Variants in RYR3 observed in about 807,000 individuals in gnomAD.
RYR3 encodes ryanodine receptor 3.
In RYR3, 207 loss-of-function variants were observed where a neutral mutation model predicts 584.3. That is an observed-to-expected ratio of 0.35 (90% CI 0.32 to 0.40). The LOEUF (loss-of-function observed/expected upper bound fraction) is 0.40. Ranked by LOEUF, RYR3 falls within the 10% of genes least tolerant of loss-of-function variation. RYR3 has a pLI of 1.00. For synonymous variants in RYR3, 2,416 were observed against 2,248.5 expected (o/e 1.07, Z -2.11); for missense variants, 5,616 against 6,089.2 (o/e 0.92, Z 2.59).
At chr15:33,826,859 C>T in intron 84 of RYR3, 107 bp downstream of exon 84, 1 of 766,798 alleles carries the variant, frequency 1.3e-6, no homozygotes, top group Non-Finnish European at 2.2e-6. Context: ...TCAAGGACAT[C>T]AGTTAATGCG....
chr15:33,406,869 A>G (rs569156449), intron 1 of RYR3, among the ~76,000 whole-genome samples: 1 of 151,276 alleles, frequency 6.6e-6, no homozygotes, highest in Non-Finnish European at 1.5e-5. Context: ...ATTCAGATAT[A>G]TACAAGAAAG....
chr15:33,863,540 G>C (rs1300711927), intron 102 of RYR3, among the ~76,000 whole-genome samples: 1 of 152,170 alleles, frequency 6.6e-6, no homozygotes, highest in Non-Finnish European at 1.5e-5. Context: ...AATGTGAGCT[G>C]AGAGTTCAGC....
chr15:33,738,472 AGTGTTG>A lies in RYR3; in HGVS notation c.7540_7545del (p.Cys2514_Trp2515del). ...CAGCTTCTGACGAATCACTATGAAC[AGTGTTG>A]GAAGTATTACTGCCTGCCTTCAGGA... On this transcript the variant is annotated inframe_deletion, in exon 50 of 104. Transcript: ENST00000634891. 1 of 1,613,832 alleles carries A rather than the reference AGTGTTG, an allele frequency of 6.2e-7. No individual in the cohort carries two copies. The highest frequency in any genetic ancestry group is 8.5e-7 in the Non-Finnish European group (1 of 1,179,808).
chr15:33,751,014 T>C (rs575988834), intron 57 of RYR3, among the ~76,000 whole-genome samples: 2 of 152,286 alleles, frequency 1.3e-5, no homozygotes, highest in South Asian at 2.1e-4. Flanking sequence ...GTTAATTTGC[T>C]GAGAATGATG....
At chr15:33,401,695 A>T (rs1367511567) in intron 1 of RYR3, among the ~76,000 whole-genome samples, 3 of 152,246 alleles carry the variant, frequency 2.0e-5, no homozygotes. Flanking sequence ...ACAGTTTTGA[A>T]ATAAGGATAC....
At chr15:33,557,801 A>G (rs539479084) in intron 10 of RYR3, among the ~76,000 whole-genome samples, 3 of 152,322 alleles carry the variant, frequency 2.0e-5, no homozygotes, top group African/African-American at 7.2e-5. Context: ...CAATTTGATC[A>G]TCTCAGCCAA....
chr15:33,759,693 A>T lies in RYR3; in HGVS notation c.8705+2097A>T, dbSNP rs149462160. ...ATTGGTGTACCTGAAAGTGACGGGG[A>T]GAATAGAACCAAGTTGGAAAACACT... On this transcript the variant is annotated intron_variant, in intron 60 of 103. Transcript: ENST00000634891. Among the ~76,000 whole-genome samples the T allele has an allele frequency of 1.3e-3, 203 of 152,344 alleles. 1 individual carries two copies. Among genetic ancestry groups the T allele is most frequent in the African/African-American group, 4.6e-3 (193 of 41,568 alleles).
intron 1 of RYR3, among the ~76,000 whole-genome samples, chr15:33,387,757 CT>C (rs1192612314): frequency 6.6e-6 from 1 of 150,918 alleles, no homozygotes; most frequent in African/African-American, 2.4e-5. Flanking sequence ...ACAAAATGCT[CT>C]AAAAAAAGGA....
chr15:33,638,872 CAG>C (rs140963138), intron 27 of RYR3, among the ~76,000 whole-genome samples: 121,612 of 151,968 alleles, frequency 0.8, 49,018 homozygotes, highest in Non-Finnish European at 0.84. Flanking sequence ...CTAGTCCTGA[CAG>C]GGGATGTAAC....
intron 3 of RYR3, among the ~76,000 whole-genome samples, chr15:33,529,709 T>C (rs1396799138): frequency 6.6e-6 from 1 of 152,164 alleles, no homozygotes; most frequent in Non-Finnish European, 1.5e-5. Flanking sequence ...GATGAAGAGA[T>C]ACTTAGGTGA....
chr15:33,402,179 A>G (rs79429635), intron 1 of RYR3, among the ~76,000 whole-genome samples: 4,809 of 152,270 alleles, frequency 0.032, 231 homozygotes, highest in African/African-American at 0.099. Flanking sequence ...ATTTTGTACA[A>G]TTTTTGTACA....
intron 34 of RYR3, among the ~76,000 whole-genome samples, chr15:33,661,344 G>A (rs1191945586): frequency 5.3e-5 from 8 of 152,198 alleles, no homozygotes; most frequent in African/African-American, 1.9e-4. Flanking sequence ...GTTTCAGGTT[G>A]GAAGGTGTTT....
intron 1 of RYR3, among the ~76,000 whole-genome samples, chr15:33,417,174 G>T (rs1278595959): frequency 1.3e-5 from 2 of 151,792 alleles, no homozygotes; most frequent in East Asian, 3.9e-4. Context: ...GCTATTTGGG[G>T]CTTTTTTGGT....
At chr15:33,334,738 G>C (rs1327664811) in intron 1 of RYR3, among the ~76,000 whole-genome samples, 5 of 152,014 alleles carry the variant, frequency 3.3e-5, no homozygotes, top group African/African-American at 1.2e-4. Flanking sequence ...AGAGTAAACA[G>C]ACAACCTACA....
In RYR3 at chr15:33,811,000, G is replaced by T; in HGVS notation, c.10220G>T (p.Arg3407Ile). ...CAGAGGGACACAGATGAAGAGGTCA[G>T]AGAACATCTGCGGAACAACTTGCAC... ...YSHRDTDEEV[R>I]EHLRNNLHLQ... The change falls in exon 72 of 104, where the codon AGA becomes ATA. Residue 3407 changes from arginine (R) to isoleucine (I), a missense_variant. Around this residue, in one of 9 missense-constraint regions of RYR3, gnomAD observed 954 missense variants for 1,132.2 expected, o/e 0.84. Coordinates refer to ENST00000634891, the MANE Select transcript of RYR3 (RefSeq NM_001036.6). 6.2e-7 allele frequency: 1 copy of T among 1,609,184 alleles called. No homozygotes were observed. The highest frequency in any genetic ancestry group is 1.3e-5 in the African/African-American group (1 of 74,976).
chr15:33,674,453 G>A (rs919484758), intron 38 of RYR3, among the ~76,000 whole-genome samples: 1 of 151,986 alleles, frequency 6.6e-6, no homozygotes, highest in African/African-American at 2.4e-5. Context: ...GACTTTCCAC[G>A]TTATGTGAGG....
intron 1 of RYR3, chr15:33,467,596 G>C: frequency 2.6e-6 from 1 of 383,308 alleles, no homozygotes; most frequent in Non-Finnish European, 3.6e-6. Flanking sequence ...TGTCAGAGAT[G>C]ACCTGTGACA....
At chr15:33,810,167 A>G (rs149601077) in intron 70 of RYR3, among the ~76,000 whole-genome samples, 1 of 152,298 alleles carries the variant, frequency 6.6e-6, no homozygotes, top group African/African-American at 2.4e-5. Flanking sequence ...CAGTTAACAA[A>G]TCATTCTTTT....
intron 12 of RYR3, among the ~76,000 whole-genome samples, chr15:33,572,801 C>A (rs543270469): frequency 1.4e-4 from 22 of 151,742 alleles, no homozygotes; most frequent in Non-Finnish European, 3.1e-4. Context: ...ATGGAGAAAC[C>A]CCGTCTTTAC....
Sources: gnomAD v4.1 joint callset for allele counts (sites outside exome capture counted in the v4.1 genomes callset) on GRCh38, gnomAD v4.1.1 for gene constraint, gnomAD v4.1.1 regional missense constraint, MANE v1.5 for transcripts, NCBI Gene and HGNC (gene_info 2026-07-23, HGNC 2026-07-21) for gene names.